Variants in PRKCA observed in about 807,000 individuals in gnomAD.
The protein encoded by PRKCA is protein kinase C alpha type.
Under a neutral mutation model 87.0 loss-of-function variants are expected in PRKCA, and 27 were observed. That is an observed-to-expected ratio of 0.31 (90% CI 0.23 to 0.43). The LOEUF (loss-of-function observed/expected upper bound fraction) is 0.43, where lower values mean the gene tolerates loss of function less well. Ranked by LOEUF, PRKCA falls within the 20% of genes least tolerant of loss-of-function variation. The pLI, the probability that PRKCA is intolerant of heterozygous loss-of-function variation, is 1.00. For synonymous variants in PRKCA, 329 were observed against 311.1 expected, an observed-to-expected ratio of 1.06 and a Z score of -0.61; for missense variants, 518 against 852.3, an observed-to-expected ratio of 0.61 and a Z score of 4.88.
At chr17:66,736,129 A>G (rs1035362948) in intron 10 of PRKCA, among the ~76,000 whole-genome samples, 13 of 150,504 alleles carry the variant, frequency 8.6e-5, no homozygotes, top group African/African-American at 3.2e-4. Context: ...CGATCCCCCT[A>G]CGTTGGCCTC....
intron 3 of PRKCA, among the ~76,000 whole-genome samples, chr17:66,570,453 T>C (rs529626916): frequency 3.3e-5 from 5 of 152,212 alleles, no homozygotes; most frequent in Non-Finnish European, 7.3e-5. Context: ...TAAAACACTT[T>C]AAAATTTCTT....
rs550989778 is a variant in PRKCA at position 66,472,611 on chromosome 17, T to C, written c.206-23590T>C. ...AGAAGTGAAGAGTCAGCAGAGTTGA[T>C]GTGAAGTCACTTGGAGTGAATATCT... On this transcript the variant is annotated intron_variant, in intron 2 of 16. Coordinates refer to ENST00000413366, the MANE Select transcript of PRKCA (RefSeq NM_002737.3). Among the ~76,000 whole-genome samples the C allele has an allele frequency of 7.7e-4, 117 of 152,318 alleles. 1 individual carries two copies. Among genetic ancestry groups the C allele is most frequent in the Non-Finnish European group, 9.0e-4 (61 of 68,026 alleles).
At chr17:66,748,920 G>A (rs2144257350) in intron 13 of PRKCA, among the ~76,000 whole-genome samples, 1 of 152,182 alleles carries the variant, frequency 6.6e-6, no homozygotes, top group Admixed American at 6.5e-5. Flanking sequence ...GGAAGGGGAG[G>A]GGCACACAGG....
At position 66,587,645 on chromosome 17, in the gene PRKCA, A is replaced by C. The variant is rs570076691; in HGVS notation, c.289-53710A>C. ...AGATATAGATATATAGATATATATA[A>C]CATATATGTGTGTGTATATATACAT... On this transcript the variant is annotated intron_variant, in intron 3 of 16. Coordinates refer to ENST00000413366, the MANE Select transcript of PRKCA (RefSeq NM_002737.3). Among the ~76,000 whole-genome samples, 3 of 149,434 alleles carry C rather than the reference A, an allele frequency of 2.0e-5. No individual in the cohort carries two copies. The East Asian group carries it at 5.9e-4, about 29-fold the overall frequency.
intron 3 of PRKCA, among the ~76,000 whole-genome samples, chr17:66,543,211 A>G (rs1292129993): frequency 1.3e-5 from 2 of 152,182 alleles, no homozygotes; most frequent in Non-Finnish European, 2.9e-5. Flanking sequence ...AGCTTAGTGT[A>G]TTTATATAAA....
chr17:66,586,709 TG>T (rs1448299070), intron 3 of PRKCA, among the ~76,000 whole-genome samples: 12 of 152,218 alleles, frequency 7.9e-5, no homozygotes, highest in Non-Finnish European at 1.6e-4. Context: ...GCTCCCTAGG[TG>T]GCTCAGTGTT....
At chr17:66,457,465 A>G (rs1027998515) in intron 2 of PRKCA, among the ~76,000 whole-genome samples, 9 of 152,128 alleles carry the variant, frequency 5.9e-5, no homozygotes, top group Non-Finnish European at 1.0e-4. Context: ...TGAGATGCAT[A>G]TAGAACACAG....
intron 13 of PRKCA, among the ~76,000 whole-genome samples, chr17:66,773,629 G>A (rs1974987439): frequency 6.6e-6 from 1 of 151,544 alleles, no homozygotes; most frequent in African/African-American, 2.4e-5. Context: ...GCTGGGATTA[G>A]AGGTGTGAGC....
chr17:66,617,862 C>G (rs1970557625), intron 3 of PRKCA, among the ~76,000 whole-genome samples: 1 of 152,048 alleles, frequency 6.6e-6, no homozygotes, highest in South Asian at 2.1e-4. Flanking sequence ...TTTTTTGAAC[C>G]AAGATTGAGA....
At chr17:66,376,759 G>A (rs555278124) in intron 2 of PRKCA, among the ~76,000 whole-genome samples, 8 of 152,246 alleles carry the variant, frequency 5.3e-5, no homozygotes, top group African/African-American at 1.7e-4. Flanking sequence ...CCTGGGCATC[G>A]GCATCTGGGA....
At chr17:66,563,848 G>T (rs1343081191) in intron 3 of PRKCA, among the ~76,000 whole-genome samples, 1 of 152,178 alleles carries the variant, frequency 6.6e-6, no homozygotes, top group Non-Finnish European at 1.5e-5. Context: ...ATAAACAAAA[G>T]AGTTTAAAGT....
intron 2 of PRKCA, chr17:66,398,340 C>T (rs1051820376): frequency 7.9e-5 from 12 of 152,200 alleles, no homozygotes; most frequent in Non-Finnish European, 1.8e-4. Flanking sequence ...ACTGAAGAAA[C>T]AAGGTGGTGG....
chr17:66,621,148 C>G (rs1970669476), intron 3 of PRKCA, among the ~76,000 whole-genome samples: 1 of 152,034 alleles, frequency 6.6e-6, no homozygotes, highest in African/African-American at 2.4e-5. Context: ...CTTTTTTGTT[C>G]TCAAGATTCT....
chr17:66,445,293 A>G (rs770546059), intron 2 of PRKCA, among the ~76,000 whole-genome samples: 1 of 152,204 alleles, frequency 6.6e-6, no homozygotes, highest in Non-Finnish European at 1.5e-5. Context: ...AGCAAATGAG[A>G]GTGAAAACTG....
chr17:66,660,968 G>C (rs1158244318), intron 5 of PRKCA, among the ~76,000 whole-genome samples: 1 of 152,074 alleles, frequency 6.6e-6, no homozygotes, highest in African/African-American at 2.4e-5. Flanking sequence ...AGGTAGAAGG[G>C]GGAATTAGCA....
At chr17:66,785,551 G>A (rs1012565037) in intron 14 of PRKCA, among the ~76,000 whole-genome samples, 14 of 152,140 alleles carry the variant, frequency 9.2e-5, no homozygotes, top group East Asian at 3.9e-4. Context: ...GGAGCATTAC[G>A]GAATTTCCCA....
chr17:66,416,160 T>C (rs1468684008), intron 2 of PRKCA: 1 of 152,216 alleles, frequency 6.6e-6, no homozygotes, highest in East Asian at 1.9e-4. Context: ...GCCTGCACTG[T>C]TGTCACCTGC....
chr17:66,326,466 T>G (rs1381534816), intron 2 of PRKCA, among the ~76,000 whole-genome samples: 1 of 152,218 alleles, frequency 6.6e-6, no homozygotes. Context: ...GGCAAATTTA[T>G]AAGATTGAGA....
intron 2 of PRKCA, among the ~76,000 whole-genome samples, chr17:66,455,121 A>T (rs1230087247): frequency 2.6e-5 from 4 of 152,222 alleles, no homozygotes; most frequent in Admixed American, 2.6e-4. Flanking sequence ...TTAAGTCCAC[A>T]TAAGTGAGTC....
Sources: allele counts gnomAD v4.1 joint callset (sites outside exome capture counted in the v4.1 genomes callset), GRCh38; gene constraint gnomAD v4.1.1; transcripts MANE v1.5; gene names NCBI Gene and HGNC (gene_info 2026-07-23, HGNC 2026-07-21).